Variants in COL11A1 observed in about 807,000 individuals in gnomAD.
COL11A1 encodes the protein collagen alpha-1(XI) chain.
In COL11A1, 74 loss-of-function variants were observed where a neutral mutation model predicts 265.2. That is an observed-to-expected ratio of 0.28 (90% confidence interval 0.23 to 0.34). The LOEUF (loss-of-function observed/expected upper bound fraction) is 0.34. Among genes scored for constraint, COL11A1 ranks in the 10% least tolerant of loss-of-function variants. The probability of loss-of-function intolerance (pLI) is 1.00; values close to 1 mark genes in which losing one functional copy is unlikely to be tolerated. For synonymous variants in COL11A1, 816 were observed against 727.6 expected (o/e 1.12, Z -1.96); for missense variants, 2,165 against 2,263.6 (o/e 0.96, Z 0.88).
chr1:103,002,299 T>C, intron 23 of COL11A1, 129 bp downstream of exon 23: 2 of 901,506 alleles, frequency 2.2e-6, no homozygotes, highest in South Asian at 1.5e-5. Context: ...GAAAAGTATG[T>C]ATTTTCCTAC....
chr1:102,953,612 T>C (rs114413507), intron 41 of COL11A1, among the ~76,000 whole-genome samples: 2,052 of 152,302 alleles, frequency 0.013, 18 homozygotes, highest in Non-Finnish European at 0.021. Context: ...TAGAGGACTG[T>C]AAGTGAACAG....
At chr1:103,035,410 A>C (rs965262481) in intron 4 of COL11A1, among the ~76,000 whole-genome samples, 2 of 152,122 alleles carry the variant, frequency 1.3e-5, no homozygotes, top group African/African-American at 4.8e-5. Context: ...ATGACTCAAA[A>C]ACACACATCC....
At chr1:102,963,366 AT>A (rs992656724) in intron 38 of COL11A1, among the ~76,000 whole-genome samples, 7 of 152,172 alleles carry the variant, frequency 4.6e-5, no homozygotes, top group African/African-American at 1.7e-4. Flanking sequence ...GCTGTAACAA[AT>A]GGTCAGCTGC....
In COL11A1 at chr1:102,912,234, C is replaced by A. The variant is rs761410238; in HGVS notation, c.4033-22G>T. The A allele has an allele frequency of 8.8e-6, 14 of 1,593,374 alleles. No individual in the cohort carries two copies. In the East Asian group the frequency reaches 2.9e-4, roughly 33 times the overall value. ...GACCCTATAAAATGTGAAAAAATAC[C>A]TTTAACAAAATTGGATATTATTTTG... On this transcript the variant is annotated intron_variant, in intron 53 of 66. Transcript: ENST00000370096.
At chr1:103,054,981 C>T (rs978360382) in intron 4 of COL11A1, among the ~76,000 whole-genome samples, 19 of 152,210 alleles carry the variant, frequency 1.2e-4, no homozygotes, top group Admixed American at 1.2e-3. Flanking sequence ...ATTTTACAAA[C>T]ATTAATTTAA....
At chr1:102,893,837 T>A (rs886125907) in intron 57 of COL11A1, among the ~76,000 whole-genome samples, 2 of 152,176 alleles carry the variant, frequency 1.3e-5, no homozygotes, top group African/African-American at 4.8e-5. Context: ...TTTTAATCAT[T>A]GTGGAATGCT....
chr1:102,886,819 C>A lies in COL11A1; in HGVS notation c.4846G>T (p.Asp1616Tyr). ...ATTATTTACATACCATCTGGGAAGT[C>A]AGGATGGCTGAGTTGCAGGTCTTTA... is the stretch of plus-strand genomic sequence containing the variant. ...TCKDLQLSHP[D>Y]FPDGEYWIDP... The change falls in exon 63 of 67, where the codon GAC (aspartate) becomes TAC (tyrosine). Residue 1616 changes from aspartate (D) to tyrosine (Y), a missense_variant. By Grantham distance (160) the Asp-to-Tyr change is radical (BLOSUM62 -3). Coordinates refer to ENST00000370096, the MANE Select transcript of COL11A1 (RefSeq NM_001854.4). The A allele has an allele frequency of 6.2e-7, 1 of 1,613,864 alleles. No individual in the cohort carries two copies. Among genetic ancestry groups the A allele is most frequent in the South Asian group, 1.1e-5 (1 of 91,066 alleles).
intron 1 of COL11A1, among the ~76,000 whole-genome samples, chr1:103,099,086 C>T (rs1674025556): frequency 6.6e-6 from 1 of 151,740 alleles, no homozygotes; most frequent in South Asian, 2.1e-4. Flanking sequence ...TACCAAATGC[C>T]TACTATGTGG....
chr1:103,027,788 C>T (rs1667660313), intron 5 of COL11A1, among the ~76,000 whole-genome samples: 1 of 151,954 alleles, frequency 6.6e-6, no homozygotes. Flanking sequence ...ACAACTTAAA[C>T]GTATTTTAAT....
intron 1 of COL11A1, among the ~76,000 whole-genome samples, chr1:103,086,257 A>G (rs1362842503): frequency 2.0e-5 from 3 of 152,128 alleles, no homozygotes; most frequent in Admixed American, 1.3e-4. Context: ...CCAAAGTAGA[A>G]CTGAATAAAG....
At chr1:102,951,600 G>A (rs1659883985) in intron 41 of COL11A1, among the ~76,000 whole-genome samples, 1 of 151,980 alleles carries the variant, frequency 6.6e-6, no homozygotes, top group African/African-American at 2.4e-5. Context: ...GCCGGGTGTG[G>A]TGGCAGGTGG....
intron 58 of COL11A1, among the ~76,000 whole-genome samples, 187 bp from the exon 59 acceptor site, chr1:102,889,749 T>TTTTACTGCTTACTTACC (rs1553194144): frequency 6.6e-6 from 1 of 152,152 alleles, no homozygotes; most frequent in Non-Finnish European, 1.5e-5. Flanking sequence ...TAACTGGATC[T>TTTTACTGCTTACTTACC]TTTACTGCTT....
At chr1:102,895,132 T>C (rs1299048498) in intron 57 of COL11A1, among the ~76,000 whole-genome samples, 2 of 152,148 alleles carry the variant, frequency 1.3e-5, no homozygotes, top group East Asian at 3.9e-4. Context: ...CTATATCACA[T>C]CTGACTCTAG....
At chr1:102,913,525 A>C (rs1295522021) in intron 53 of COL11A1, 112 bp downstream of exon 53, 1 of 979,208 alleles carries the variant, frequency 1.0e-6, no homozygotes, top group African/African-American at 1.6e-5. Context: ...TCTTTCAAAA[A>C]AGTGCATATA....
At chr1:103,074,489 A>G in intron 4 of COL11A1, 129 bp downstream of exon 4, 1 of 979,584 alleles carries the variant, frequency 1.0e-6, no homozygotes, top group East Asian at 2.6e-5. Flanking sequence ...ACAGAGGAAG[A>G]AACTAGGTCA....
chr1:103,009,298 C>A (rs1469402268), intron 14 of COL11A1, among the ~76,000 whole-genome samples: 3 of 152,100 alleles, frequency 2.0e-5, no homozygotes, highest in African/African-American at 4.8e-5. Context: ...CCTGTAATCC[C>A]AGCTACTCAG....
rs565381138 is a variant in COL11A1, at chr1:102,933,633, T to C, written c.3600+816A>G. Among the ~76,000 whole-genome samples the C allele has an allele frequency of 6.5e-4, 99 of 152,318 alleles. 1 individual carries two copies. Among genetic ancestry groups the C allele is most frequent in the South Asian group, 2.1e-3 (10 of 4,834 alleles). ...TGGGCTCCACCCAGCTCGAGCTTCC[T>C]GGCTGCTTTGTTTACCTAAGCAAGC... is the stretch of plus-strand genomic sequence containing the variant. On this transcript the variant is annotated intron_variant, in intron 46 of 66. Coordinates refer to ENST00000370096, the MANE Select transcript of COL11A1 (RefSeq NM_001854.4).
chr1:102,886,848 G>T lies in COL11A1; in HGVS notation c.4817C>A (p.Thr1606Asn). The T allele has an allele frequency of 6.2e-7, 1 of 1,613,938 alleles. No individual in the cohort carries two copies. The highest frequency in any genetic ancestry group is 8.5e-7 in the Non-Finnish European group (1 of 1,179,856). ...PMGTQTNPAR[T>N]CKDLQLSHPD... Reference sequence around the variant, plus strand: ...ATGGCTGAGTTGCAGGTCTTTACAAGTTCGGGCTGGATTGGTCTGAGTACC... The same window carrying T: ...ATGGCTGAGTTGCAGGTCTTTACAATTTCGGGCTGGATTGGTCTGAGTACC... The change falls in exon 63 of 67, where the codon ACT (threonine) becomes AAT (asparagine). Residue 1606 changes from threonine (T) to asparagine (N), a missense_variant. By Grantham distance (65) the Thr-to-Asn change is moderately conservative (BLOSUM62 0). Coordinates refer to ENST00000370096, the MANE Select transcript of COL11A1 (RefSeq NM_001854.4).
intron 10 of COL11A1, among the ~76,000 whole-genome samples, chr1:103,018,144 T>C (rs1454511292): frequency 6.6e-6 from 1 of 152,134 alleles, no homozygotes; most frequent in African/African-American, 2.4e-5. Flanking sequence ...TCTAAGGTCA[T>C]ATTTGGTCCC....
Sources: gnomAD v4.1 joint callset for allele counts (sites outside exome capture counted in the v4.1 genomes callset) on GRCh38, gnomAD v4.1.1 for gene constraint, MANE v1.5 for transcripts, NCBI Gene and HGNC (gene_info 2026-07-23, HGNC 2026-07-21) for gene names.